MYO1D: variants seen among roughly 807,000 people sequenced by gnomAD.
The protein encoded by MYO1D is myosin ID.
In MYO1D, 83 loss-of-function variants were observed where a neutral mutation model predicts 122.0. The ratio of observed to expected loss-of-function variants is 0.68; its 90% confidence interval spans 0.57 to 0.82. The LOEUF (loss-of-function observed/expected upper bound fraction) is 0.82, where lower values mean the gene tolerates loss of function less well. Ranked by LOEUF, MYO1D falls within the 40% of genes least tolerant of loss-of-function variation. MYO1D has a pLI of 0.00. For synonymous variants in MYO1D, 464 were observed against 446.9 expected, an observed-to-expected ratio of 1.04 and a Z score of -0.48; for missense variants, 1,157 against 1,269.5, an observed-to-expected ratio of 0.91 and a Z score of 1.35.
intron 16 of MYO1D, among the ~76,000 whole-genome samples, chr17:32,702,421 G>C (rs772617642): frequency 5.3e-5 from 8 of 152,072 alleles, no homozygotes; most frequent in Admixed American, 2.0e-4. Flanking sequence ...CATAAAATTA[G>C]AAACAATCAT....
rs1267286451 is a variant in MYO1D, at chr17:32,518,162, G to A, written c.2865-23247C>T. Among the ~76,000 whole-genome samples, 4 of 152,170 alleles carry A rather than the reference G, an allele frequency of 2.6e-5. No individual in the cohort carries two copies. In the East Asian group the frequency reaches 5.8e-4, roughly 22 times the overall value. ...TGGACAGCACCTGGTCCACCACTCC[G>A]CCATCACCCTCTTTCTTGTCCCCTT... On this transcript the variant is annotated intron_variant, in intron 21 of 21. Transcript: ENST00000318217.
intron 19 of MYO1D, among the ~76,000 whole-genome samples, chr17:32,651,583 C>A (rs1348969213): frequency 6.6e-6 from 1 of 151,828 alleles, no homozygotes; most frequent in African/African-American, 2.4e-5. Flanking sequence ...TTTCAGGGAA[C>A]ATTGTCTTTC....
chr17:32,852,755 A>G (rs1217420672), intron 1 of MYO1D, among the ~76,000 whole-genome samples: 2 of 152,182 alleles, frequency 1.3e-5, no homozygotes, highest in Non-Finnish European at 2.9e-5. Flanking sequence ...TTTTTCTACA[A>G]GAATCATGTA....
intron 20 of MYO1D, among the ~76,000 whole-genome samples, chr17:32,612,970 T>C (rs112286525): frequency 3.3e-5 from 5 of 152,016 alleles, no homozygotes; most frequent in Non-Finnish European, 4.4e-5. Context: ...GGTTTTGTCA[T>C]GTTGCCCAGG....
Position 32,748,918 on chromosome 17 carries a change from CCA to C in MYO1D, c.1538+16_1538+17del. On this transcript the variant is annotated intron_variant, in intron 12 of 21. Coordinates refer to ENST00000318217, the MANE Select transcript of MYO1D (RefSeq NM_015194.3). ...GGCGGCATGCAAATCATGGTAGGTA[CCA>C]AGGTAAGATACTCACACTACATCGC... 3.7e-6 allele frequency: 6 copies of C among 1,602,738 alleles called. No individual in the cohort carries two copies. In the South Asian group the frequency reaches 6.6e-5, roughly 18 times the overall value.
At chr17:32,538,469 ATTTT>A (rs61287547) in intron 21 of MYO1D, among the ~76,000 whole-genome samples, 98 of 113,598 alleles carry the variant, frequency 8.6e-4, no homozygotes, top group African/African-American at 3.0e-3. Flanking sequence ...TATTATTATT[ATTTT>A]TTTTTTTGTA....
chr17:32,753,143 G>A (rs148419214), intron 11 of MYO1D, among the ~76,000 whole-genome samples: 4 of 152,244 alleles, frequency 2.6e-5, no homozygotes, highest in African/African-American at 9.6e-5. Flanking sequence ...TAGAGCTGGA[G>A]GCCATTATAC....
At chr17:32,629,079 C>A (rs141957800) in intron 20 of MYO1D, among the ~76,000 whole-genome samples, 1 of 152,130 alleles carries the variant, frequency 6.6e-6, no homozygotes, top group Non-Finnish European at 1.5e-5. Context: ...GAAGACATGA[C>A]GGAACCTTAA....
chr17:32,531,711 T>C (rs1367100967), intron 21 of MYO1D, among the ~76,000 whole-genome samples: 1 of 151,622 alleles, frequency 6.6e-6, no homozygotes, highest in African/African-American at 2.4e-5. Context: ...TGTGCATGCA[T>C]AATGATGGAT....
intron 13 of MYO1D, among the ~76,000 whole-genome samples, chr17:32,738,660 G>A (rs1244364382): frequency 6.6e-6 from 1 of 151,856 alleles, no homozygotes; most frequent in East Asian, 1.9e-4. Context: ...ACCTACCTAG[G>A]ACCCTCAAAT....
chr17:32,678,392 A>G (rs908096627), intron 16 of MYO1D, among the ~76,000 whole-genome samples: 2 of 146,438 alleles, frequency 1.4e-5, no homozygotes, highest in African/African-American at 2.5e-5. Context: ...ATATCTCCCG[A>G]TGCTATCCCT....
chr17:32,734,148 G>A (rs1302540154), intron 14 of MYO1D, among the ~76,000 whole-genome samples: 3 of 152,172 alleles, frequency 2.0e-5, no homozygotes, highest in Admixed American at 6.5e-5. Flanking sequence ...CCTTGGCAAC[G>A]TTGGGAAAAG....
chr17:32,792,485 A>G (rs2090364020), intron 1 of MYO1D: 1 of 152,236 alleles, frequency 6.6e-6, no homozygotes, highest in South Asian at 2.1e-4. Flanking sequence ...TTAGATGAGA[A>G]TCTCTCCCAA....
At chr17:32,733,156 T>A (rs2089660006) in intron 14 of MYO1D, among the ~76,000 whole-genome samples, 1 of 152,162 alleles carries the variant, frequency 6.6e-6, no homozygotes, top group African/African-American at 2.4e-5. Context: ...TAGGGCAAGC[T>A]GAGTGCAGCC....
chr17:32,665,418 A>G (rs57456808), intron 16 of MYO1D, among the ~76,000 whole-genome samples: 4,367 of 152,248 alleles, frequency 0.029, 137 homozygotes, highest in East Asian at 0.19. Context: ...AATGCCAAGG[A>G]CCTAGTTAAT....
chr17:32,743,667 G>T (rs1439414178), intron 13 of MYO1D, among the ~76,000 whole-genome samples: 8 of 151,666 alleles, frequency 5.3e-5, no homozygotes, highest in Middle Eastern at 3.4e-3. Context: ...GCCCAGGCTG[G>T]AGTGCAGTGG....
At chr17:32,606,237 G>T (rs1053827069) in intron 20 of MYO1D, among the ~76,000 whole-genome samples, 1 of 152,174 alleles carries the variant, frequency 6.6e-6, no homozygotes, top group Non-Finnish European at 1.5e-5. Context: ...GAAAATTCTA[G>T]TCCCAGATGA....
intron 1 of MYO1D, among the ~76,000 whole-genome samples, chr17:32,849,334 T>C (rs2090965212): frequency 6.7e-6 from 1 of 148,754 alleles, no homozygotes; most frequent in Non-Finnish European, 1.5e-5. Context: ...CAAAGGACTA[T>C]AAATCATGCT....
chr17:32,513,965 C>T (rs994438041), intron 21 of MYO1D, among the ~76,000 whole-genome samples: 2 of 151,434 alleles, frequency 1.3e-5, no homozygotes, highest in South Asian at 2.1e-4. Flanking sequence ...TTTTTTTGGC[C>T]GGGCATGGTG....
Sources: allele counts gnomAD v4.1 joint callset (sites outside exome capture counted in the v4.1 genomes callset), GRCh38; gene constraint gnomAD v4.1.1; transcripts MANE v1.5; gene names NCBI Gene and HGNC (gene_info 2026-07-23, HGNC 2026-07-21).